Variants in ZNF808 observed in about 807,000 individuals in gnomAD.
The protein encoded by ZNF808 is zinc finger protein 808.
A neutral mutation model predicts 8.7 loss-of-function variants in ZNF808; 5 were observed. The ratio of observed to expected loss-of-function variants is 0.58; its 90% CI spans 0.30 to 1.21. The LOEUF is 1.21. Among genes scored for constraint, ZNF808 ranks in the 50% most tolerant of loss-of-function variants. The probability of loss-of-function intolerance (pLI) is 0.07; values close to 1 mark genes in which losing one functional copy is unlikely to be tolerated. For missense variants in ZNF808, 1,103 were observed against 1,098.4 expected, an observed-to-expected ratio of 1.00 and a Z score of -0.06; for synonymous variants, 380 against 366.0, an observed-to-expected ratio of 1.04 and a Z score of -0.44.
At position 52,536,264 on chromosome 19, in the gene ZNF808, G is replaced by T. The variant is rs36679; in HGVS notation, c.-20+3255G>T. Among the ~76,000 whole-genome samples, 617 of 152,050 alleles carry T rather than the reference G, an allele frequency of 4.1e-3. 5 individuals are homozygous for T. The highest frequency in any genetic ancestry group is 0.014 in the African/African-American group (577 of 41,518). ...ACCCCGGTCTTTCTGCTATAGGGCAGTGTATACACTTCCTGTCGCTTAGTT... is the reference window on the plus strand; with the variant it reads ...ACCCCGGTCTTTCTGCTATAGGGCATTGTATACACTTCCTGTCGCTTAGTT... On this transcript the variant is annotated intron_variant, in intron 2 of 4. Transcript: ENST00000359798.
intron 3 of ZNF808, 79 bp downstream of exon 3, chr19:52,543,426 T>C (rs538132340): frequency 7.2e-6 from 11 of 1,538,198 alleles, no homozygotes; most frequent in African/African-American, 1.4e-5. Flanking sequence ...ATTGTAGTAA[T>C]GTATTGTAGC....
chr19:52,564,305 T>C, exon 4 of ZNF808: 1 of 649,382 alleles, frequency 1.5e-6, no homozygotes, highest in Non-Finnish European at 2.7e-6. Context: ...GCTGAAAATG[T>C]CACTACCATC....
At chr19:52,529,053 G>A (rs374454476) in intron 1 of ZNF808, among the ~76,000 whole-genome samples, 16 of 151,672 alleles carry the variant, frequency 1.1e-4, no homozygotes, top group Admixed American at 2.6e-4. Context: ...TGAGAGATAT[G>A]TACAGAATTA....
At chr19:52,548,942 A>C (rs2059749111) in intron 4 of ZNF808, among the ~76,000 whole-genome samples, 1 of 151,526 alleles carries the variant, frequency 6.6e-6, no homozygotes, top group African/African-American at 2.4e-5. Context: ...ACTTGGTGAA[A>C]CCACATTTCT....
At chr19:52,542,272 A>C (rs771609028) in intron 2 of ZNF808, among the ~76,000 whole-genome samples, 1 of 151,982 alleles carries the variant, frequency 6.6e-6, no homozygotes, top group Non-Finnish European at 1.5e-5. Flanking sequence ...GTGGGAGAAA[A>C]ATGTTTGAAA....
At chr19:52,562,398 A>G (rs1357513560) in intron 3 of ZNF808, among the ~76,000 whole-genome samples, 2 of 152,080 alleles carry the variant, frequency 1.3e-5, no homozygotes, top group African/African-American at 4.8e-5. Context: ...GAAAGAAAGA[A>G]AGAAAAAATA....
rs539743585 is a variant in ZNF808 at position 52,555,810 on chromosome 19, G to C, written c.*182G>C. On this transcript the variant is annotated 3_prime_UTR_variant, in exon 5 of 5. Coordinates refer to ENST00000359798, the MANE Select transcript of ZNF808 (RefSeq NM_001039886.4). ...AAACCTTACAAATGTCATGATTGAG[G>C]CAAGGTCTTCAGTCAAGCTTCATCC... The C allele has an allele frequency of 4.2e-6, 4 of 947,052 alleles. No individual in the cohort carries two copies. Among genetic ancestry groups the C allele is most frequent in the Admixed American group, 2.0e-5 (1 of 50,472 alleles). 58.7% of individuals were successfully genotyped at this position (947,052 alleles called of 1,614,324 possible).
chr19:52,557,027 C>T (rs140636123), downstream of ZNF808, among the ~76,000 whole-genome samples: 7 of 152,220 alleles, frequency 4.6e-5, no homozygotes, highest in East Asian at 1.4e-3. Flanking sequence ...GGATGGAGTG[C>T]AGTGGTGCGA....
intron 3 of ZNF808, among the ~76,000 whole-genome samples, chr19:52,561,600 T>C (rs1160682615): frequency 6.6e-6 from 1 of 150,948 alleles, no homozygotes; most frequent in East Asian, 2.0e-4. Context: ...CAGGCTGGAG[T>C]GCAATGGCGC....
chr19:52,538,231 C>T (rs1314541682), intron 2 of ZNF808, among the ~76,000 whole-genome samples: 4 of 136,096 alleles, frequency 2.9e-5, no homozygotes, highest in East Asian at 2.5e-4. Context: ...GTATGTTTCC[C>T]GGGGTGGTCT....
chr19:52,546,442 C>T (rs1225009432), intron 3 of ZNF808, among the ~76,000 whole-genome samples: 1 of 152,072 alleles, frequency 6.6e-6, no homozygotes, highest in Non-Finnish European at 1.5e-5. Context: ...GCCTTGGCCT[C>T]CCAAAGTGCT....
chr19:52,533,388 G>A (rs77796509), intron 2 of ZNF808, among the ~76,000 whole-genome samples: 1,980 of 151,972 alleles, frequency 0.013, 40 homozygotes, highest in African/African-American at 0.045. Flanking sequence ...TATAATGCCT[G>A]GCTAATTTTT....
Position 52,555,163 on chromosome 19 carries a change from C to A in ZNF808, c.2247C>A (p.Thr749=). ...GCAAGACGTTCAGTCAGAAGGCAAC[C>A]CTTCTATGCCATCGTAGACTTCATA... ...ECSKTFSQKA[T]LLCHRRLHSG... Residue 749 remains threonine (T), a synonymous_variant, in exon 5 of 5, where the codon ACC becomes ACA. Coordinates refer to ENST00000359798, the MANE Select transcript of ZNF808 (RefSeq NM_001039886.4). 4 of 1,613,398 alleles carry A rather than the reference C, an allele frequency of 2.5e-6. No homozygotes were observed. Among genetic ancestry groups the A allele is most frequent in the Non-Finnish European group, 3.4e-6 (4 of 1,179,534 alleles).
At chr19:52,566,858 C>A (rs1315049683), downstream of ZNF808, among the ~76,000 whole-genome samples, 1 of 152,134 alleles carries the variant, frequency 6.6e-6, no homozygotes, top group Non-Finnish European at 1.5e-5. Context: ...TACATAAACA[C>A]AATGTCCAGA....
rs774082198 is a variant in ZNF808, at chr19:52,555,035, T to C, written c.2119T>C (p.Tyr707His). Residue 707 changes from tyrosine to histidine, a missense_variant, in exon 5 of 5, where the codon TAC becomes CAC. Physicochemically the swap from Tyr to His is moderately conservative, Grantham distance 83 (BLOSUM62 2). Coordinates refer to ENST00000359798, the MANE Select transcript of ZNF808 (RefSeq NM_001039886.4). Reference protein sequence around the residue: ...HTRIHSGMKPYKCNECSKTFS... With the variant: ...HTRIHSGMKPHKCNECSKTFS... Reference sequence around the variant, plus strand: ...TAGAATTCACAGTGGAATGAAACCTTACAAGTGTAATGAGTGCAGCAAGAC... The same window carrying C: ...TAGAATTCACAGTGGAATGAAACCTCACAAGTGTAATGAGTGCAGCAAGAC... 6.2e-7 allele frequency: 1 copy of C among 1,614,062 alleles called. No homozygotes were observed. Among genetic ancestry groups the C allele is most frequent in the South Asian group, 1.1e-5 (1 of 91,074 alleles).
chr19:52,552,766 T>C (rs1463346423), intron 4 of ZNF808, among the ~76,000 whole-genome samples: 1 of 151,334 alleles, frequency 6.6e-6, no homozygotes, highest in African/African-American at 2.4e-5. Context: ...GAAGAATATA[T>C]ATTTTTCTCT....
chr19:52,546,408 A>G (rs1430356830), intron 3 of ZNF808, among the ~76,000 whole-genome samples: 2 of 151,978 alleles, frequency 1.3e-5, no homozygotes. Context: ...GCGGGTCTCA[A>G]ACTCCTGACC....
rs1430426447 is a variant in ZNF808 at position 52,532,183 on chromosome 19, G to A, written c.-121-725G>A. Among the ~76,000 whole-genome samples the A allele has an allele frequency of 2.6e-5, 4 of 152,044 alleles. No homozygotes were observed. The South Asian group carries it at 6.2e-4, about 24-fold the overall frequency. On this transcript the variant is annotated intron_variant, in intron 1 of 4. Coordinates refer to ENST00000359798, the MANE Select transcript of ZNF808 (RefSeq NM_001039886.4). Reference sequence around the variant, plus strand: ...TTTCAATAAGTGCCTGTTCTGCGTGGATTTAGGTAATTTTATGACAGGTAT... The same window carrying A: ...TTTCAATAAGTGCCTGTTCTGCGTGAATTTAGGTAATTTTATGACAGGTAT...
At chr19:52,568,279 CAGG>C (rs2059877469), downstream of ZNF808, among the ~76,000 whole-genome samples, 1 of 152,190 alleles carries the variant, frequency 6.6e-6, no homozygotes, top group Non-Finnish European at 1.5e-5. Flanking sequence ...GAGGCTGAGG[CAGG>C]AGAACTGCTT....
Sources: allele counts gnomAD v4.1 joint callset (sites outside exome capture counted in the v4.1 genomes callset), GRCh38; gene constraint gnomAD v4.1.1; transcripts MANE v1.5; gene names NCBI Gene and HGNC (gene_info 2026-07-23, HGNC 2026-07-21).